The following MCC variants were observed in gnomAD, a reference collection of about 807,000 sequenced individuals.
MCC encodes the protein colorectal mutant cancer protein.
MCC carries 90 observed loss-of-function variants against 116.2 expected under a neutral mutation model. The ratio of observed to expected loss-of-function variants is 0.77; its 90% CI spans 0.65 to 0.92. The LOEUF (loss-of-function observed/expected upper bound fraction) is 0.92, where lower values mean the gene tolerates loss of function less well. Ranked by LOEUF, MCC falls within the 40% of genes least tolerant of loss-of-function variation. The pLI, the probability that MCC is intolerant of heterozygous loss-of-function variation, is 0.00. For synonymous variants in MCC, 578 were observed against 510.5 expected (o/e 1.13, Z -1.78); for missense variants, 1,516 against 1,312.2 (o/e 1.16, Z -2.40).
At chr5:113,086,985 T>C (rs1755240443) in intron 8 of MCC, among the ~76,000 whole-genome samples, 2 of 152,168 alleles carry the variant, frequency 1.3e-5, no homozygotes, top group South Asian at 4.1e-4. Context: ...GACCATACCT[T>C]GAATAGCACT....
At chr5:113,058,382 G>C (rs1752983905) in intron 14 of MCC, among the ~76,000 whole-genome samples, 1 of 152,192 alleles carries the variant, frequency 6.6e-6, no homozygotes, top group African/African-American at 2.4e-5. Flanking sequence ...GGACTTGTTA[G>C]AAATGCACAT....
intron 5 of MCC, among the ~76,000 whole-genome samples, chr5:113,129,890 G>C (rs1329209688): frequency 6.6e-6 from 1 of 152,234 alleles, no homozygotes; most frequent in Non-Finnish European, 1.5e-5. Flanking sequence ...GTTGGTGGGA[G>C]TCTAAATTAC....
chr5:113,197,428 G>T (rs966385994), intron 3 of MCC, among the ~76,000 whole-genome samples: 1 of 152,084 alleles, frequency 6.6e-6, no homozygotes, highest in Admixed American at 6.5e-5. Context: ...TGTGGTGATG[G>T]ACACACAACT....
chr5:113,445,431 C>A (rs1410211568), intron 1 of MCC, among the ~76,000 whole-genome samples: 1 of 152,038 alleles, frequency 6.6e-6, no homozygotes, highest in African/African-American at 2.4e-5. Context: ...ATAAAAAAAT[C>A]AGTAGCATTT....
chr5:113,077,314 C>A (rs1372162024), intron 11 of MCC, among the ~76,000 whole-genome samples: 1 of 152,194 alleles, frequency 6.6e-6, no homozygotes, highest in East Asian at 1.9e-4. Flanking sequence ...ACCAAACAGG[C>A]ATCTACAGAA....
At position 113,044,437 on chromosome 5, in the gene MCC, C is replaced by T. The variant is rs990519827; in HGVS notation, c.2656-807G>A. The T allele has an allele frequency of 1.8e-5, 17 of 958,772 alleles. No individual in the cohort carries two copies. In the African/African-American group the frequency reaches 2.3e-4, roughly 13 times the overall value. 59.4% of individuals were successfully genotyped at this position (958,772 alleles called of 1,614,324 possible). A position where few individuals can be genotyped will look rare whatever the true frequency, so the allele number is the denominator to read the frequency against. On this transcript the variant is annotated intron_variant, in intron 16 of 18. Coordinates refer to ENST00000408903, the MANE Select transcript of MCC (RefSeq NM_001085377.2). ...TACATTCCATGCACAGAGAGGACAG[C>T]AGCCACACTACATAGTACCATGGCT...
intron 3 of MCC, among the ~76,000 whole-genome samples, chr5:113,226,032 C>G (rs1763721830): frequency 6.6e-6 from 1 of 152,200 alleles, no homozygotes; most frequent in African/African-American, 2.4e-5. Context: ...ACAAATTAGC[C>G]AGGTGCGGTG....
intron 3 of MCC, among the ~76,000 whole-genome samples, chr5:113,194,449 T>G (rs1251600964): frequency 6.6e-6 from 1 of 152,050 alleles, no homozygotes; most frequent in East Asian, 1.9e-4. Flanking sequence ...AGGACTGCCT[T>G]AAGTCAGGAG....
chr5:113,091,498 T>C (rs370220145), intron 8 of MCC, among the ~76,000 whole-genome samples: 9 of 152,182 alleles, frequency 5.9e-5, no homozygotes, highest in African/African-American at 2.2e-4. Flanking sequence ...CACATCACAA[T>C]AGGTACACTG....
intron 8 of MCC, among the ~76,000 whole-genome samples, chr5:113,098,194 T>C (rs924875329): frequency 1.3e-5 from 2 of 152,310 alleles, no homozygotes; most frequent in Middle Eastern, 3.4e-3. Context: ...TTTTGCCACA[T>C]CATGGCTGAC....
At chr5:113,067,430 A>G (rs2150231774) in intron 13 of MCC, among the ~76,000 whole-genome samples, 1 of 152,356 alleles carries the variant, frequency 6.6e-6, no homozygotes, top group South Asian at 2.1e-4. Flanking sequence ...ACCTGAGGTC[A>G]GGAGTTCAAG....
rs747197012 is a variant in MCC at position 113,085,279 on chromosome 5, A to C, written c.1430T>G (p.Val477Gly). 6.2e-7 allele frequency: 1 copy of C among 1,614,040 alleles called. No individual in the cohort carries two copies. The highest frequency in any genetic ancestry group is 1.1e-5 in the South Asian group (1 of 91,052). Residue 477 changes from valine (V) to glycine (G), a missense_variant, in exon 9 of 19, where the codon GTG becomes GGG. Val to Gly is a moderately radical substitution (Grantham distance 109). Coordinates refer to ENST00000408903, the MANE Select transcript of MCC (RefSeq NM_001085377.2). The part of the protein sequence containing the change: ...VRELQTRLQS[V>G]QATGPSSPGR... ...AGGGCTGGAGGGACCTGTGGCCTGC[A>C]CGCTCTGTAGTCGAGTTTGAAGCTC...
intron 2 of MCC, among the ~76,000 whole-genome samples, chr5:113,353,769 T>A (rs1445445620): frequency 2.8e-4 from 43 of 152,250 alleles, no homozygotes; most frequent in Non-Finnish European, 1.3e-4. Flanking sequence ...GTGATATTTT[T>A]ATTTTTAGCT....
At chr5:113,101,488 C>T (rs1162525208) in intron 8 of MCC, 3 of 510,562 alleles carry the variant, frequency 5.9e-6, no homozygotes, top group Admixed American at 3.5e-5. Context: ...ATCACTGCCC[C>T]GATGTAATTT....
intron 3 of MCC, among the ~76,000 whole-genome samples, chr5:113,324,894 G>A (rs955769296): frequency 6.6e-6 from 1 of 150,772 alleles, no homozygotes; most frequent in African/African-American, 2.4e-5. Context: ...GTGCGGTGGT[G>A]CAGTCATAGC....
intron 4 of MCC, among the ~76,000 whole-genome samples, chr5:113,150,318 G>T (rs1562016): frequency 2.0e-5 from 3 of 151,912 alleles, no homozygotes; most frequent in African/African-American, 7.3e-5. Flanking sequence ...ACATGAAAAT[G>T]AAAAACAGAA....
At chr5:113,416,645 C>T (rs1770158275) in intron 1 of MCC, among the ~76,000 whole-genome samples, 1 of 151,974 alleles carries the variant, frequency 6.6e-6, no homozygotes, top group Non-Finnish European at 1.5e-5. Flanking sequence ...TCATAAGAAA[C>T]AGGTAATGGT....
chr5:113,130,620 T>C (rs4705787), intron 5 of MCC, among the ~76,000 whole-genome samples: 77,333 of 151,936 alleles, frequency 0.51, 21,377 homozygotes, highest in East Asian at 0.72. Context: ...TGGGAGTGGA[T>C]CCCTCAAGAG....
intron 18 of MCC, 94 bp from the exon 19 acceptor site, chr5:113,027,576 C>A: frequency 8.9e-7 from 1 of 1,126,134 alleles, no homozygotes; most frequent in Non-Finnish European, 1.3e-6. Context: ...CTAGTGAGCA[C>A]TGCTCTGAAG....
Sources: allele counts gnomAD v4.1 joint callset (sites outside exome capture counted in the v4.1 genomes callset), GRCh38; gene constraint gnomAD v4.1.1; transcripts MANE v1.5; gene names NCBI Gene and HGNC (gene_info 2026-07-23, HGNC 2026-07-21).